Variants in CA10 observed in about 807,000 individuals in gnomAD.
The protein encoded by CA10 is carbonic anhydrase-related protein 10.
CA10 carries 14 observed loss-of-function variants against 44.2 expected under a neutral mutation model. The observed-to-expected ratio is 0.32, with a 90% CI of 0.21 to 0.50. CA10 has a LOEUF of 0.50. CA10 is among the 20% of genes least tolerant of loss of function. CA10 has a pLI of 0.99. For missense variants in CA10, 350 were observed against 409.7 expected, an observed-to-expected ratio of 0.85 and a Z score of 1.26; for synonymous variants, 159 against 141.6, an observed-to-expected ratio of 1.12 and a Z score of -0.87.
chr17:51,857,137 A>G (rs1979083905), intron 3 of CA10, among the ~76,000 whole-genome samples: 1 of 152,176 alleles, frequency 6.6e-6, no homozygotes, highest in South Asian at 2.1e-4. Flanking sequence ...ATTGTTTTTT[A>G]TTTACCAAAG....
At chr17:52,006,911 C>G (rs759055218) in intron 2 of CA10, among the ~76,000 whole-genome samples, 16 of 151,704 alleles carry the variant, frequency 1.1e-4, no homozygotes, top group Non-Finnish European at 1.9e-4. Context: ...GTGATTCTTT[C>G]TCTTTCATCC....
At chr17:51,640,541 C>T (rs60316754) in intron 6 of CA10, among the ~76,000 whole-genome samples, 2,875 of 152,298 alleles carry the variant, frequency 0.019, 63 homozygotes, top group African/African-American at 0.048. Flanking sequence ...ATCATGCTGC[C>T]TCAGAGGCTG....
chr17:52,043,091 G>T (rs1863878000), intron 2 of CA10, among the ~76,000 whole-genome samples: 1 of 151,948 alleles, frequency 6.6e-6, no homozygotes, highest in South Asian at 2.1e-4. Context: ...GTTTGTGGTT[G>T]TATGTGAAAT....
chr17:51,802,442 C>T (rs778724746), intron 3 of CA10, among the ~76,000 whole-genome samples: 2 of 151,930 alleles, frequency 1.3e-5, no homozygotes, highest in Non-Finnish European at 1.5e-5. Context: ...AGAGTCAATA[C>T]CTGGAATCTG....
At chr17:51,745,125 C>A (rs1904630919) in intron 4 of CA10, among the ~76,000 whole-genome samples, 2 of 152,140 alleles carry the variant, frequency 1.3e-5, no homozygotes, top group African/African-American at 2.4e-5. Flanking sequence ...CCCAGCCTTG[C>A]CATTTCCAGG....
chr17:51,995,306 T>G (rs1056312607), intron 2 of CA10, among the ~76,000 whole-genome samples: 5 of 152,054 alleles, frequency 3.3e-5, no homozygotes, highest in African/African-American at 1.2e-4. Flanking sequence ...CATTCTTTAA[T>G]TAAAATTGTT....
At chr17:52,146,639 G>A (rs1989593912) in intron 1 of CA10, among the ~76,000 whole-genome samples, 2 of 151,492 alleles carry the variant, frequency 1.3e-5, no homozygotes, top group African/African-American at 4.9e-5. Context: ...GCAGTGAGCC[G>A]AGATCCCACC....
At chr17:51,993,848 A>T (rs1273790641) in intron 2 of CA10, among the ~76,000 whole-genome samples, 2 of 151,970 alleles carry the variant, frequency 1.3e-5, no homozygotes, top group Non-Finnish European at 2.9e-5. Context: ...TTGATAAATT[A>T]CTTTTATTGA....
intron 3 of CA10, among the ~76,000 whole-genome samples, chr17:51,870,054 G>C (rs914460045): frequency 2.0e-5 from 3 of 152,146 alleles, no homozygotes; most frequent in Non-Finnish European, 4.4e-5. Context: ...ATTTACTAAG[G>C]CCAATCTATT....
At chr17:52,145,247 C>G (rs574499871) in intron 1 of CA10, among the ~76,000 whole-genome samples, 13 of 152,308 alleles carry the variant, frequency 8.5e-5, no homozygotes, top group African/African-American at 3.1e-4. Flanking sequence ...ATATTTTCAT[C>G]TTGTTGCCTC....
intron 3 of CA10, among the ~76,000 whole-genome samples, chr17:51,768,944 AAC>A (rs1905494222): frequency 1.3e-5 from 2 of 152,340 alleles, no homozygotes; most frequent in South Asian, 4.1e-4. Flanking sequence ...AGAAGAAAAA[AAC>A]ACAGTATTTC....
intron 3 of CA10, among the ~76,000 whole-genome samples, chr17:51,924,214 G>C (rs936271537): frequency 1.3e-5 from 2 of 152,292 alleles, no homozygotes; most frequent in Non-Finnish European, 1.5e-5. Flanking sequence ...GGCAAGTGGG[G>C]TGAAGGGTAT....
At chr17:51,979,472 C>T (rs1232436086) in intron 2 of CA10, among the ~76,000 whole-genome samples, 1 of 152,028 alleles carries the variant, frequency 6.6e-6, no homozygotes, top group East Asian at 1.9e-4. Context: ...TTTTCTGCTC[C>T]TCTCCCTTCT....
At chr17:51,873,518 A>G (rs1426123132) in intron 3 of CA10, among the ~76,000 whole-genome samples, 1 of 152,230 alleles carries the variant, frequency 6.6e-6, no homozygotes, top group African/African-American at 2.4e-5. Context: ...AGCATTCATA[A>G]GCAAATTAGG....
At chr17:51,810,832 C>A (rs746499096) in intron 3 of CA10, among the ~76,000 whole-genome samples, 2 of 152,162 alleles carry the variant, frequency 1.3e-5, no homozygotes, top group African/African-American at 4.8e-5. Flanking sequence ...CTTGCTTGAT[C>A]AAAATAAATA....
chr17:52,109,346 C>CA (rs1437544294), intron 1 of CA10, among the ~76,000 whole-genome samples: 1 of 152,062 alleles, frequency 6.6e-6, no homozygotes, highest in African/African-American at 2.4e-5. Context: ...TCCGAAGGGA[C>CA]AAAAAACAAA....
At chr17:51,947,224 CAAAAAA>C (rs1198796736) in intron 2 of CA10, among the ~76,000 whole-genome samples, 98 of 52,118 alleles carry the variant, frequency 1.9e-3, no homozygotes, top group African/African-American at 6.0e-3. Context: ...TCTTCATGTG[CAAAAAA>C]AAAAAAAAAA....
At chr17:51,634,265 C>T (rs1276734594) in intron 7 of CA10, among the ~76,000 whole-genome samples, 1 of 152,192 alleles carries the variant, frequency 6.6e-6, no homozygotes, top group Non-Finnish European at 1.5e-5. Flanking sequence ...ATGTCAATTT[C>T]TGATTTTAAA....
intron 1 of CA10, among the ~76,000 whole-genome samples, chr17:52,073,996 G>C (rs114542523): frequency 6.6e-6 from 1 of 152,302 alleles, no homozygotes; most frequent in African/African-American, 2.4e-5. Context: ...CAAGTGGGTA[G>C]ACAACATTTC....
Sources: gnomAD v4.1 joint callset for allele counts (sites outside exome capture counted in the v4.1 genomes callset) on GRCh38, gnomAD v4.1.1 for gene constraint, MANE v1.5 for transcripts, NCBI Gene and HGNC (gene_info 2026-07-23, HGNC 2026-07-21) for gene names.